SGCZ: variants seen among roughly 807,000 people sequenced by gnomAD.
The protein encoded by SGCZ is sarcoglycan zeta.
Under a neutral mutation model 41.3 loss-of-function variants are expected in SGCZ, and 40 were observed. The observed-to-expected ratio is 0.97, with a 90% CI of 0.75 to 1.26. The LOEUF (loss-of-function observed/expected upper bound fraction) is 1.26. SGCZ is among the 50% of genes most tolerant of loss of function. SGCZ has a pLI of 0.00. For missense variants in SGCZ, 552 were observed against 369.8 expected, an observed-to-expected ratio of 1.49 and a Z score of -4.04; for synonymous variants, 206 against 137.5, an observed-to-expected ratio of 1.50 and a Z score of -3.49.
chr8:14,388,268 C>T (rs2117209844), intron 2 of SGCZ, among the ~76,000 whole-genome samples: 1 of 151,980 alleles, frequency 6.6e-6, no homozygotes, highest in Non-Finnish European at 1.5e-5. Context: ...AATAAAATAT[C>T]ACAGTTGCAG....
At chr8:14,487,402 T>C (rs558739153) in intron 2 of SGCZ, among the ~76,000 whole-genome samples, 1 of 152,300 alleles carries the variant, frequency 6.6e-6, no homozygotes, top group Admixed American at 6.5e-5. Context: ...TATGGCAAAG[T>C]ATAGCACTTT....
chr8:14,766,948 C>G (rs569496126), intron 1 of SGCZ, among the ~76,000 whole-genome samples: 1 of 151,908 alleles, frequency 6.6e-6, no homozygotes, highest in African/African-American at 2.4e-5. Flanking sequence ...TACAGAGAAG[C>G]CTAATAGAAA....
At chr8:15,102,678 A>G (rs7822084) in intron 1 of SGCZ, among the ~76,000 whole-genome samples, 42,842 of 152,098 alleles carry the variant, frequency 0.28, 8,219 homozygotes, top group African/African-American at 0.54. Flanking sequence ...TAAATCTAAT[A>G]ATGTTCCAAA....
At chr8:14,628,100 A>C (rs983241720) in intron 1 of SGCZ, among the ~76,000 whole-genome samples, 5 of 152,066 alleles carry the variant, frequency 3.3e-5, no homozygotes, top group African/African-American at 1.2e-4. Context: ...ATGCTAGAAC[A>C]TGAAATTAAG....
chr8:14,450,578 C>G (rs2117400780), intron 2 of SGCZ, among the ~76,000 whole-genome samples: 2 of 152,286 alleles, frequency 1.3e-5, no homozygotes, highest in Middle Eastern at 6.8e-3. Flanking sequence ...CTGGAAATCA[C>G]AACCTCCAGT....
intron 2 of SGCZ, among the ~76,000 whole-genome samples, chr8:14,470,852 A>C (rs890689767): frequency 2.6e-5 from 4 of 152,138 alleles, no homozygotes; most frequent in Non-Finnish European, 4.4e-5. Context: ...CAAAATAGGC[A>C]GTTCTTTGTG....
At chr8:14,221,717 C>T (rs1312603067) in intron 4 of SGCZ, among the ~76,000 whole-genome samples, 2 of 152,094 alleles carry the variant, frequency 1.3e-5, no homozygotes, top group Admixed American at 6.5e-5. Context: ...AGGCAGATCA[C>T]CTGAGGTCAG....
chr8:14,702,413 A>C (rs996692535), intron 1 of SGCZ, among the ~76,000 whole-genome samples: 1 of 151,970 alleles, frequency 6.6e-6, no homozygotes, highest in African/African-American at 2.4e-5. Context: ...CCTCTTTACT[A>C]TAGTGTATAG....
At chr8:14,622,136 G>A (rs891572977) in intron 1 of SGCZ, among the ~76,000 whole-genome samples, 8 of 152,102 alleles carry the variant, frequency 5.3e-5, no homozygotes, top group African/African-American at 1.9e-4. Context: ...ATGAGAAGAG[G>A]TTCATGGGAG....
chr8:14,325,595 T>C (rs1043903386), intron 2 of SGCZ, among the ~76,000 whole-genome samples: 5 of 147,052 alleles, frequency 3.4e-5, no homozygotes, highest in Non-Finnish European at 6.0e-5. Flanking sequence ...TATAATCACA[T>C]ATAGTTGATT....
At chr8:15,211,040 T>TAGATAC (rs1420685975) in intron 1 of SGCZ, among the ~76,000 whole-genome samples, 1 of 147,584 alleles carries the variant, frequency 6.8e-6, no homozygotes, top group African/African-American at 2.6e-5. Context: ...TATATAGATA[T>TAGATAC]AGATATAGAT....
chr8:14,470,046 T>C (rs959764182), intron 2 of SGCZ, among the ~76,000 whole-genome samples: 2 of 152,132 alleles, frequency 1.3e-5, no homozygotes, highest in Non-Finnish European at 2.9e-5. Flanking sequence ...TCTAGATGTC[T>C]GGACTGATGT....
chr8:14,918,944 T>G (rs1457060255), intron 1 of SGCZ, among the ~76,000 whole-genome samples: 1 of 152,196 alleles, frequency 6.6e-6, no homozygotes, highest in Non-Finnish European at 1.5e-5. Flanking sequence ...GTTAACAGCA[T>G]AGACCCTGAA....
At chr8:15,038,814 C>CAAAAAAAAAAAAA (rs58922339) in intron 1 of SGCZ, among the ~76,000 whole-genome samples, 6 of 93,066 alleles carry the variant, frequency 6.4e-5, no homozygotes, top group African/African-American at 2.4e-4. Context: ...TGACATTTCT[C>CAAAAAAAAAAAAA]AAAAAAAAAA....
chr8:15,167,478 T>G (rs143248072), intron 1 of SGCZ, among the ~76,000 whole-genome samples: 143 of 152,304 alleles, frequency 9.4e-4, no homozygotes, highest in Admixed American at 2.0e-3. Flanking sequence ...CTCAGGTGTT[T>G]GAGGATGCAA....
At chr8:15,026,745 A>G (rs767146978) in intron 1 of SGCZ, among the ~76,000 whole-genome samples, 3 of 152,170 alleles carry the variant, frequency 2.0e-5, no homozygotes, top group Non-Finnish European at 4.4e-5. Context: ...TGTGCAAATA[A>G]AGGCATTGCA....
chr8:14,367,907 T>G (rs1803770084), intron 2 of SGCZ, among the ~76,000 whole-genome samples: 1 of 152,074 alleles, frequency 6.6e-6, no homozygotes. Context: ...GCAAGAAAAG[T>G]CTGATCTCTA....
chr8:15,106,816 C>G (rs1806843882), intron 1 of SGCZ, among the ~76,000 whole-genome samples: 1 of 151,992 alleles, frequency 6.6e-6, no homozygotes, highest in Non-Finnish European at 1.5e-5. Context: ...TCCCACTTTA[C>G]TGGGAAATCT....
Position 15,222,808 on chromosome 8 carries a change from T to G in SGCZ, c.39+14777A>C, listed in dbSNP as rs963445732. ...GTATGCGTGCATGTGTGGGTGTGTG[T>G]GTGTGTGACTAAATAAGAAAGAAAC... On this transcript the variant is annotated intron_variant, in intron 1 of 7. Transcript: ENST00000382080. Among the ~76,000 whole-genome samples the G allele has an allele frequency of 3.3e-5, 5 of 152,116 alleles. No individual in the cohort carries two copies. The East Asian group carries it at 9.7e-4, about 29-fold the overall frequency.
Sources: gnomAD v4.1 joint callset for allele counts (sites outside exome capture counted in the v4.1 genomes callset) on GRCh38, gnomAD v4.1.1 for gene constraint, MANE v1.5 for transcripts, NCBI Gene and HGNC (gene_info 2026-07-23, HGNC 2026-07-21) for gene names.